The following SH3PXD2B variants were observed in gnomAD, a reference collection of about 807,000 sequenced individuals.
SH3PXD2B encodes the protein SH3 and PX domain-containing protein 2B.
In SH3PXD2B, 37 loss-of-function variants were observed where a neutral mutation model predicts 73.1. That is an observed-to-expected ratio of 0.51 (90% CI 0.39 to 0.67). The LOEUF (loss-of-function observed/expected upper bound fraction) is 0.67. Among genes scored for constraint, SH3PXD2B ranks in the 30% least tolerant of loss-of-function variants. The pLI is 0.00. For missense variants in SH3PXD2B, 1,053 were observed against 1,197.8 expected, an observed-to-expected ratio of 0.88 and a Z score of 1.78; for synonymous variants, 457 against 480.5, an observed-to-expected ratio of 0.95 and a Z score of 0.64.
At chr5:172,325,622 G>C (rs991185289) in intron 12 of SH3PXD2B, among the ~76,000 whole-genome samples, 2 of 152,154 alleles carry the variant, frequency 1.3e-5, no homozygotes, top group Non-Finnish European at 2.9e-5. Flanking sequence ...GGCAAATGGG[G>C]GATGATCGCT....
rs1561896273 is a variant in SH3PXD2B, at chr5:172,348,626, G to GTCTATCTATCTATCTATC, written c.1013-1295_1013-1294insGATAGATAGATAGATAGA. 1.1e-3 allele frequency among the ~76,000 whole-genome samples: 100 copies of GTCTATCTATCTATCTATC among 92,570 alleles called. 1 individual carries two copies. Among genetic ancestry groups the GTCTATCTATCTATCTATC allele is most frequent in the African/African-American group, 5.5e-3 (93 of 16,858 alleles). 60.7% of individuals were successfully genotyped at this position (92,570 alleles called of 152,430 possible). The stretch of plus-strand genomic sequence containing the variant: ...TGTTTTAGCATCTGAATCTATCTAT[G>GTCTATCTATCTATCTATC]TATCTATCTATGTATCTATCTATCT... On this transcript the variant is annotated intron_variant, in intron 10 of 12. Transcript: ENST00000311601.
chr5:172,333,099 C>A (rs562890053), downstream of SH3PXD2B, among the ~76,000 whole-genome samples: 13 of 3,210 alleles, frequency 4.0e-3, no homozygotes, highest in South Asian at 0.17. Flanking sequence ...CCACGCCCGG[C>A]GAATTTTTGT....
chr5:172,365,883 C>T (rs182355483), intron 6 of SH3PXD2B, among the ~76,000 whole-genome samples: 85 of 152,292 alleles, frequency 5.6e-4, no homozygotes, highest in Admixed American at 2.4e-3. Flanking sequence ...TGAATCCAAT[C>T]CAGCATCTAC....
At chr5:172,406,238 C>A (rs761927029) in intron 3 of SH3PXD2B, 39 bp downstream of exon 3, 1 of 1,599,648 alleles carries the variant, frequency 6.3e-7, no homozygotes, top group Non-Finnish European at 8.6e-7. Context: ...TGTAACAGAG[C>A]CCCCAGTGTC....
chr5:172,426,987 C>CT (rs1759108788), intron 1 of SH3PXD2B, among the ~76,000 whole-genome samples: 1 of 152,182 alleles, frequency 6.6e-6, no homozygotes, highest in Admixed American at 6.5e-5. Context: ...TAGACCTTTC[C>CT]TTTTTTACAT....
At chr5:172,380,136 C>A (rs1248773149) in intron 5 of SH3PXD2B, among the ~76,000 whole-genome samples, 1 of 152,154 alleles carries the variant, frequency 6.6e-6, no homozygotes, top group Admixed American at 6.5e-5. Context: ...CTGCTCACTG[C>A]AGCCTCAACC....
intron 1 of SH3PXD2B, among the ~76,000 whole-genome samples, chr5:172,448,220 C>T (rs923910593): frequency 6.6e-6 from 1 of 152,242 alleles, no homozygotes; most frequent in Non-Finnish European, 1.5e-5. Context: ...CCCAGAATGC[C>T]TCTTGAATGA....
At chr5:172,342,715 C>G (rs1320234802) in intron 12 of SH3PXD2B, among the ~76,000 whole-genome samples, 2 of 151,978 alleles carry the variant, frequency 1.3e-5, no homozygotes, top group Non-Finnish European at 2.9e-5. Flanking sequence ...GAGCCGAGAT[C>G]GTGCCATTGC....
chr5:172,327,364 A>AC, intron 12 of SH3PXD2B, among the ~76,000 whole-genome samples: 1 of 152,290 alleles, frequency 6.6e-6, no homozygotes, highest in East Asian at 1.9e-4. Flanking sequence ...CAGAACTCAA[A>AC]CCCAGGTCTA....
rs1757133651 is a variant in SH3PXD2B, at chr5:172,350,440, C to T, written c.935G>A (p.Arg312Lys). The change falls in exon 10 of 13, where the codon AGG (arginine) becomes AAG (lysine). Residue 312 changes from arginine (R) to lysine (K), a missense_variant. Physicochemically the swap from Arg to Lys is conservative, Grantham distance 26. Transcript: ENST00000311601. ...CTGGCTGCTGAGCAGCTCCTTCTCC[C>T]TGCCCACCGCGTTCTGCTGCCGGGA... ...GVSRQQNAVGREKELLSSQRD... is the reference protein window; with the variant it reads ...GVSRQQNAVGKEKELLSSQRD... The T allele has an allele frequency of 1.9e-6, 3 of 1,614,014 alleles. No individual in the cohort carries two copies. The highest frequency in any genetic ancestry group is 1.3e-5 in the African/African-American group (1 of 74,928).
At chr5:172,396,561 A>C (rs1758303233) in intron 3 of SH3PXD2B, among the ~76,000 whole-genome samples, 1 of 152,188 alleles carries the variant, frequency 6.6e-6, no homozygotes, top group Non-Finnish European at 1.5e-5. Flanking sequence ...CTGGTGCAAA[A>C]GGACACTATT....
intron 6 of SH3PXD2B, among the ~76,000 whole-genome samples, chr5:172,371,961 T>C (rs1024521211): frequency 1.1e-4 from 16 of 152,198 alleles, no homozygotes; most frequent in African/African-American, 3.9e-4. Context: ...CTCTGGCCAG[T>C]ACCTATTAAA....
At chr5:172,395,204 A>G (rs963820884) in intron 3 of SH3PXD2B, among the ~76,000 whole-genome samples, 7 of 152,138 alleles carry the variant, frequency 4.6e-5, no homozygotes, top group African/African-American at 1.7e-4. Context: ...TTCTGACTGC[A>G]CACATTATTT....
chr5:172,405,398 C>G (rs1165034040), intron 3 of SH3PXD2B, among the ~76,000 whole-genome samples: 1 of 152,240 alleles, frequency 6.6e-6, no homozygotes. Flanking sequence ...TAAAAGCAGA[C>G]AGCTTTCCCT....
chr5:172,329,999 A>G (rs1561884898), downstream of SH3PXD2B, among the ~76,000 whole-genome samples: 3 of 152,162 alleles, frequency 2.0e-5, 1 homozygote, highest in South Asian at 4.1e-4. Flanking sequence ...ATATGTGGCA[A>G]TCTCACTGCG....
intron 8 of SH3PXD2B, among the ~76,000 whole-genome samples, chr5:172,357,240 A>G (rs1757300769): frequency 6.6e-6 from 1 of 151,910 alleles, no homozygotes; most frequent in Admixed American, 6.6e-5. Context: ...CCTGGCCAAC[A>G]TGGCGAAACC....
intron 1 of SH3PXD2B, among the ~76,000 whole-genome samples, chr5:172,432,804 C>T (rs1040325630): frequency 8.0e-5 from 12 of 150,548 alleles, no homozygotes; most frequent in Non-Finnish European, 1.6e-4. Context: ...TCCAGCTACG[C>T]GGGAGGCTGA....
chr5:172,435,346 G>C (rs1344723803), intron 1 of SH3PXD2B, among the ~76,000 whole-genome samples: 1 of 152,176 alleles, frequency 6.6e-6, no homozygotes, highest in Admixed American at 6.5e-5. Flanking sequence ...CAAAAATTAT[G>C]ATGGTGCTGG....
chr5:172,325,292 G>A (rs1311053185), exon 13 of SH3PXD2B: 2 of 1,534,988 alleles, frequency 1.3e-6, no homozygotes, highest in African/African-American at 1.4e-5. Flanking sequence ...CTCCATGGAA[G>A]CTGCCACGTG....
Sources: gnomAD v4.1 joint callset for allele counts (sites outside exome capture counted in the v4.1 genomes callset) on GRCh38, gnomAD v4.1.1 for gene constraint, MANE v1.5 for transcripts, NCBI Gene and HGNC (gene_info 2026-07-23, HGNC 2026-07-21) for gene names.